Variants in NECTIN2 observed in about 807,000 individuals in gnomAD.
The protein encoded by NECTIN2 is nectin cell adhesion molecule 2, also known as nectin-2.
In NECTIN2, 23 loss-of-function variants were observed where a neutral mutation model predicts 56.9. That is an observed-to-expected ratio of 0.40 (90% CI 0.29 to 0.57). NECTIN2 has a LOEUF of 0.57. Among genes scored for constraint, NECTIN2 ranks in the 20% least tolerant of loss-of-function variants. The pLI, the probability that NECTIN2 is intolerant of heterozygous loss-of-function variation, is 0.38. For missense variants in NECTIN2, 587 were observed against 718.3 expected (o/e 0.82, Z 2.09); for synonymous variants, 302 against 313.8 (o/e 0.96, Z 0.40).
chr19:44,869,592 C>CAAAA (rs774822564), intron 2 of NECTIN2, among the ~76,000 whole-genome samples: 29 of 53,696 alleles, frequency 5.4e-4, no homozygotes, highest in Admixed American at 7.3e-4. Context: ...GACTCCATCT[C>CAAAA]AAAAAAAAAA....
Position 44,888,241 on chromosome 19 carries a change from T to A in NECTIN2, c.1479T>A (p.Asp493Glu). 3 of 1,614,058 alleles carry A rather than the reference T, an allele frequency of 1.9e-6. No individual in the cohort carries two copies. Among genetic ancestry groups the A allele is most frequent in the Non-Finnish European group, 2.5e-6 (3 of 1,179,992 alleles). ...GPPAVEDVSL[D>E]LEDEEGEEEE... ...CTGCTGTGGAAGACGTTTCCCTGGA[T>A]CTAGAGGATGAGGAGGGGGAGGAGG... The change falls in exon 9 of 9, where the codon GAT (aspartate) becomes GAA (glutamate). Residue 493 changes from aspartate (D) to glutamate (E), a missense_variant. Transcript: ENST00000252483.
At chr19:44,872,596 G>A (rs867196464) in intron 3 of NECTIN2, among the ~76,000 whole-genome samples, 1 of 151,810 alleles carries the variant, frequency 6.6e-6, no homozygotes, top group Non-Finnish European at 1.5e-5. Flanking sequence ...CATGGACCCC[G>A]GTTGACACTG....
At chr19:44,869,094 G>A (rs1255696212) in intron 2 of NECTIN2, among the ~76,000 whole-genome samples, 5 of 151,808 alleles carry the variant, frequency 3.3e-5, no homozygotes, top group Non-Finnish European at 7.4e-5. Flanking sequence ...AACCACAGCC[G>A]TTTTCCATAA....
Position 44,871,908 on chromosome 19 carries a change from G to A in NECTIN2, c.534G>A (p.Thr178=), listed in dbSNP as rs758483381. ...AQKVTFSQDP[T]TVALCISKEG... ...AGGTCACGTTCAGCCAGGACCCTAC[G>A]ACAGTGGCCCTCTGCATCTCCAAAG... is the stretch of plus-strand genomic sequence containing the variant. Residue 178 remains threonine (T), a synonymous_variant, in exon 3 of 9, where the codon ACG becomes ACA. Transcript: ENST00000252483. 9 of 1,614,038 alleles carry A rather than the reference G, an allele frequency of 5.6e-6. No homozygotes were observed. The East Asian group carries it at 6.7e-5, about 12-fold the overall frequency.
At chr19:44,850,941 G>A (rs986522311) in intron 1 of NECTIN2, among the ~76,000 whole-genome samples, 5 of 152,138 alleles carry the variant, frequency 3.3e-5, no homozygotes, top group African/African-American at 4.8e-5. Context: ...AGATCTGCGG[G>A]GGAAGCCAGG....
At chr19:44,879,748 T>C (rs372937069) in intron 5 of NECTIN2, among the ~76,000 whole-genome samples, 10 of 152,048 alleles carry the variant, frequency 6.6e-5, no homozygotes, top group African/African-American at 2.4e-4. Flanking sequence ...ACGGGGCAGG[T>C]GTTTCCATCG....
intron 1 of NECTIN2, among the ~76,000 whole-genome samples, chr19:44,848,467 C>A (rs1350829044): frequency 2.0e-5 from 3 of 152,138 alleles, no homozygotes; most frequent in African/African-American, 7.2e-5. Flanking sequence ...CTCTGAGTTT[C>A]CATTTCCTCC....
chr19:44,886,221 T>C lies in NECTIN2; in HGVS notation c.1347+2T>C, dbSNP rs776066285. On this transcript the variant is annotated splice_donor_variant, in intron 8 of 8. Transcript: ENST00000252483. LOFTEE classifies it high-confidence loss of function. ...GCTGGCGCCTCATGCACTGAGCAGG[T>C]AGGAGCTCATGGGAAGACAAAGGTG... 1 of 1,608,684 alleles carries C rather than the reference T, an allele frequency of 6.2e-7. No homozygotes were observed. The highest frequency in any genetic ancestry group is 1.3e-5 in the African/African-American group (1 of 74,704).
rs1284824282 is a variant in NECTIN2 at position 44,875,400 on chromosome 19, G to C, written c.1042+922G>C. Among the ~76,000 whole-genome samples, 2 of 152,046 alleles carry C rather than the reference G, an allele frequency of 1.3e-5. No homozygotes were observed. Among genetic ancestry groups the C allele is most frequent in the Non-Finnish European group, 2.9e-5 (2 of 68,010 alleles). On this transcript the variant is annotated intron_variant, in intron 5 of 8. Transcript: ENST00000252483. This position sits in a 1 kb window ranked among gnomAD's most constrained non-coding sequence, Gnocchi z 4.2. ...CCTGCCTCAGCCTCCTGAGTAGCTGGGACTATATGCGCTCACCACCAAACC... is the reference window on the plus strand; with the variant it reads ...CCTGCCTCAGCCTCCTGAGTAGCTGCGACTATATGCGCTCACCACCAAACC...
In NECTIN2 at chr19:44,874,176, C is replaced by A; in HGVS notation, c.893+143C>A. The A allele has an allele frequency of 8.1e-7, 1 of 1,239,102 alleles. No homozygotes were observed. Among genetic ancestry groups the A allele is most frequent in the Non-Finnish European group, 1.1e-6 (1 of 876,464 alleles). The allele number at this position is 1,239,102 out of a possible 1,614,324, so 76.8% of individuals were successfully genotyped here. ...GCTGGGCCTAAATTCCTAAGTCCTC[C>A]AGGATGAAGGGAGCTTGCATTTTGG... On this transcript the variant is annotated intron_variant, in intron 4 of 8. Transcript: ENST00000252483. This position sits in a 1 kb window ranked among gnomAD's most constrained non-coding sequence, Gnocchi z 6.3.
intron 8 of NECTIN2, among the ~76,000 whole-genome samples, chr19:44,887,606 T>C (rs560816857): frequency 5.9e-5 from 9 of 152,086 alleles, no homozygotes; most frequent in African/African-American, 1.7e-4. Flanking sequence ...GATTGCACCA[T>C]TGCACAACAG....
chr19:44,878,705 A>G (rs1599925167), intron 5 of NECTIN2: 1 of 1,502,156 alleles, frequency 6.7e-7, no homozygotes, highest in Non-Finnish European at 8.8e-7. Context: ...GACTGGTTGG[A>G]CTTGTTCGTC....
chr19:44,877,817 T>A lies in NECTIN2; in HGVS notation c.1042+3339T>A, dbSNP rs183746957. ...TTGCATCCAAATAGCCAGCTTCCAC[T>A]CGGCTACGGCGATCGCCAGACATGG... On this transcript the variant is annotated intron_variant, in intron 5 of 8. Transcript: ENST00000252483. Among the ~76,000 whole-genome samples the A allele has an allele frequency of 2.0e-5, 3 of 152,320 alleles. No homozygotes were observed. The East Asian group carries it at 5.8e-4, about 29-fold the overall frequency.
chr19:44,865,070 G>A lies in NECTIN2; in HGVS notation c.89-201G>A, dbSNP rs1312206858. On this transcript the variant is annotated intron_variant, in intron 1 of 8. Coordinates refer to ENST00000252483, the MANE Select transcript of NECTIN2 (RefSeq NM_001042724.2). The surrounding 1 kb of genome is among the most constrained non-coding windows in gnomAD (Gnocchi z 5.2). ...ATATGAACTCATAGTACACGTTATAGTTGTATAATAGAATAGTCATTTTAG... is the reference window on the plus strand; with the variant it reads ...ATATGAACTCATAGTACACGTTATAATTGTATAATAGAATAGTCATTTTAG... Among the ~76,000 whole-genome samples, 1 of 152,192 alleles carries A rather than the reference G, an allele frequency of 6.6e-6. No homozygotes were observed. The highest frequency in any genetic ancestry group is 6.5e-5 in the Admixed American group (1 of 15,274).
intron 6 of NECTIN2, among the ~76,000 whole-genome samples, 165 bp from the exon 7 acceptor site, chr19:44,885,772 G>A (rs1271561879): frequency 2.6e-5 from 4 of 152,142 alleles, no homozygotes; most frequent in East Asian, 1.9e-4. Context: ...GAAGGCTTCC[G>A]GGAAAAAGAG....
In NECTIN2 at chr19:44,846,315, AACCGCC is replaced by A; in HGVS notation, c.-210_-205del. On this transcript the variant is annotated 5_prime_UTR_variant, in exon 1 of 9. Transcript: ENST00000252483. ...GGATCCTGTGACGTCAGCGGGTTCG[AACCGCC>A]GGAGCTGAGCGAGAGGCCGGGGGTG... 1.9e-6 allele frequency: 1 copy of A among 516,474 alleles called. No individual in the cohort carries two copies. Among genetic ancestry groups the A allele is most frequent in the South Asian group, 3.6e-5 (1 of 27,422 alleles). The allele number at this position is 516,474 out of a possible 1,614,324, so 32.0% of individuals were successfully genotyped here.
In NECTIN2 at chr19:44,865,416, C is replaced by T; in HGVS notation, c.234C>T (p.Asn78=). The change falls in exon 2 of 9, where the codon AAC becomes AAT. Residue 78 remains asparagine (N), a synonymous_variant. Transcript: ENST00000252483. The surrounding 1 kb of genome is among the most constrained non-coding windows in gnomAD (Gnocchi z 5.2). ...VTWQRPDAPA[N]HQNVAAFHPK... is the part of the protein sequence containing the mutation. The stretch of plus-strand genomic sequence containing the variant: ...GGCAGCGCCCAGATGCACCTGCGAA[C>T]CACCAGAATGTGGCCGCCTTCCACC... The T allele has an allele frequency of 6.2e-7, 1 of 1,614,208 alleles. No homozygotes were observed. Among genetic ancestry groups the T allele is most frequent in the African/African-American group, 1.3e-5 (1 of 75,060 alleles).
chr19:44,852,113 C>CT (rs997031876), intron 1 of NECTIN2, among the ~76,000 whole-genome samples: 12 of 151,494 alleles, frequency 7.9e-5, no homozygotes, highest in Non-Finnish European at 1.2e-4. Flanking sequence ...TTTCTTTTTT[C>CT]TTTTTTTTCT....
intron 1 of NECTIN2, among the ~76,000 whole-genome samples, chr19:44,862,190 G>A (rs146275714): frequency 0.014 from 2,062 of 151,924 alleles, 23 homozygotes; most frequent in Non-Finnish European, 0.02. Flanking sequence ...CCGAGGCGGC[G>A]GATCACGAGG....
Sources: gnomAD v4.1 joint callset for allele counts (sites outside exome capture counted in the v4.1 genomes callset) on GRCh38, gnomAD v4.1.1 for gene constraint, Gnocchi (gnomAD v3.1) non-coding constraint, MANE v1.5 for transcripts, NCBI Gene and HGNC (gene_info 2026-07-23, HGNC 2026-07-21) for gene names.